Variants in UNC13B observed in about 807,000 individuals in gnomAD.
The protein encoded by UNC13B is unc-13 homolog B.
Under a neutral mutation model 211.0 loss-of-function variants are expected in UNC13B, and 144 were observed. The ratio of observed to expected loss-of-function variants is 0.68; its 90% CI spans 0.60 to 0.78. The LOEUF (loss-of-function observed/expected upper bound fraction) is 0.78, where lower values mean the gene tolerates loss of function less well. UNC13B is among the 30% of genes least tolerant of loss of function. The probability of loss-of-function intolerance (pLI) is 0.00; values close to 1 mark genes in which losing one functional copy is unlikely to be tolerated. For missense variants in UNC13B, 1,777 were observed against 2,002.0 expected, an observed-to-expected ratio of 0.89 and a Z score of 2.14; for synonymous variants, 709 against 725.8, an observed-to-expected ratio of 0.98 and a Z score of 0.37.
chr9:35,174,262 A>T (rs1821492358), intron 1 of UNC13B, among the ~76,000 whole-genome samples: 1 of 150,674 alleles, frequency 6.6e-6, no homozygotes, highest in Admixed American at 6.6e-5. Context: ...GGCTCAGGTG[A>T]TTCTCCTACC....
intron 11 of UNC13B, among the ~76,000 whole-genome samples, chr9:35,349,748 T>A (rs957711648): frequency 6.6e-6 from 1 of 152,242 alleles, no homozygotes; most frequent in Non-Finnish European, 1.5e-5. Flanking sequence ...AAGAATCAGC[T>A]TCATCTTTAT....
chr9:35,364,577 A>G (rs1003983336), intron 11 of UNC13B: 47 of 1,535,760 alleles, frequency 3.1e-5, no homozygotes, highest in South Asian at 6.0e-5. Flanking sequence ...GGTTGTGCCT[A>G]TGACCCTTTG....
intron 11 of UNC13B, 137 bp downstream of exon 11, chr9:35,314,126 C>T: frequency 1.4e-6 from 1 of 732,756 alleles, no homozygotes; most frequent in Admixed American, 2.1e-5. Flanking sequence ...TAAGCCAGAG[C>T]TTTAAGGGAT....
chr9:35,167,719 C>A (rs1014072671), intron 1 of UNC13B, among the ~76,000 whole-genome samples: 22 of 147,954 alleles, frequency 1.5e-4, no homozygotes, highest in Admixed American at 1.3e-3. Context: ...TCTTGAGTAG[C>A]TGGGATTACA....
chr9:35,365,752 T>A (rs541428522), intron 11 of UNC13B, among the ~76,000 whole-genome samples: 1 of 152,252 alleles, frequency 6.6e-6, no homozygotes, highest in African/African-American at 2.4e-5. Context: ...GGCCCTCCCA[T>A]TACCAATATC....
At chr9:35,169,137 A>G (rs776796446) in intron 1 of UNC13B, among the ~76,000 whole-genome samples, 1 of 152,194 alleles carries the variant, frequency 6.6e-6, no homozygotes, top group Non-Finnish European at 1.5e-5. Flanking sequence ...AATCACTTGC[A>G]TCCAGGAGTT....
At chr9:35,174,258 G>A (rs553864028) in intron 1 of UNC13B, among the ~76,000 whole-genome samples, 6 of 151,584 alleles carry the variant, frequency 4.0e-5, no homozygotes, top group African/African-American at 1.5e-4. Flanking sequence ...CCAGGGCTCA[G>A]GTGATTCTCC....
In UNC13B at chr9:35,305,621, G is replaced by A. The variant is rs1034797047; in HGVS notation, c.6217G>A (p.Glu2073Lys). The A allele has an allele frequency of 2.5e-6, 1 of 398,840 alleles. No homozygotes were observed. Among genetic ancestry groups the A allele is most frequent in the African/African-American group, 2.1e-5 (1 of 48,620 alleles). The allele number at this position is 398,840 out of a possible 1,614,324, so 24.7% of individuals were successfully genotyped here. ...GIQGNDLTEK[E>K]VPFRDHLIQQ... is the part of the protein sequence containing the mutation. ...CCAGGGTAATGATTTGACTGAAAAA[G>A]AGGTACCATTCAGAGACCATCTAAT... Residue 2073 changes from glutamate (E) to lysine (K), a missense_variant, in exon 9 of 40, where the codon GAG (glutamate) becomes AAG (lysine). Glu to Lys is a moderately conservative substitution (Grantham distance 56, BLOSUM62 1). Coordinates refer to ENST00000635942, the MANE Select transcript of UNC13B (RefSeq NM_001371189.2).
chr9:35,267,981 A>G (rs1827667553), intron 7 of UNC13B, among the ~76,000 whole-genome samples: 1 of 152,174 alleles, frequency 6.6e-6, no homozygotes, highest in South Asian at 2.1e-4. Flanking sequence ...GATATAGGCA[A>G]GCAGTTCCAT....
chr9:35,249,965 A>G (rs1030587675), intron 6 of UNC13B, among the ~76,000 whole-genome samples: 2 of 152,150 alleles, frequency 1.3e-5, no homozygotes, highest in African/African-American at 4.8e-5. Context: ...TTATTGAAAT[A>G]TAATTTTTAT....
At chr9:35,168,431 A>G (rs917925172) in intron 1 of UNC13B, among the ~76,000 whole-genome samples, 3 of 152,086 alleles carry the variant, frequency 2.0e-5, no homozygotes, top group African/African-American at 4.8e-5. Flanking sequence ...ATATGTTTGG[A>G]GATCTCCAAT....
At chr9:35,256,732 A>G (rs1295421438) in intron 6 of UNC13B, among the ~76,000 whole-genome samples, 2 of 152,222 alleles carry the variant, frequency 1.3e-5, no homozygotes, top group Non-Finnish European at 2.9e-5. Flanking sequence ...GCACACATAT[A>G]CATACATATT....
At chr9:35,208,667 A>T (rs181606826) in intron 1 of UNC13B, among the ~76,000 whole-genome samples, 1 of 152,094 alleles carries the variant, frequency 6.6e-6, no homozygotes, top group African/African-American at 2.4e-5. Flanking sequence ...ATAACTCCTC[A>T]TTCACTTGCC....
chr9:35,167,107 G>A (rs538468172), intron 1 of UNC13B, among the ~76,000 whole-genome samples: 8 of 152,070 alleles, frequency 5.3e-5, no homozygotes, highest in African/African-American at 1.2e-4. Flanking sequence ...AGACAGTCTC[G>A]CTGTGTCGCC....
intron 1 of UNC13B, among the ~76,000 whole-genome samples, chr9:35,212,757 C>T (rs1339949762): frequency 6.6e-6 from 1 of 152,104 alleles, no homozygotes; most frequent in Non-Finnish European, 1.5e-5. Flanking sequence ...CTCCCTTGGG[C>T]TAAAATGGAA....
rs1835888387 is a variant in UNC13B, at chr9:35,396,547, A to C, written c.11380A>C (p.Asn3794His). Residue 3794 changes from asparagine to histidine, a missense_variant, in exon 27 of 40, where the codon AAT (asparagine) becomes CAT (histidine). Coordinates refer to ENST00000635942, the MANE Select transcript of UNC13B (RefSeq NM_001371189.2). The stretch of plus-strand genomic sequence containing the variant: ...GCACTTCAAGGTGAAGTGGCTCCAC[A>C]ATGAATACGTGCGGGATCTGCCTGT... The part of the protein sequence containing the change: ...NLHFKVKWLH[N>H]EYVRDLPVLQ... 1.2e-6 allele frequency: 2 copies of C among 1,613,974 alleles called. No homozygotes were observed. The highest frequency in any genetic ancestry group is 2.2e-5 in the East Asian group (1 of 44,894).
chr9:35,238,611 A>G (rs1037291144), intron 5 of UNC13B, among the ~76,000 whole-genome samples: 14 of 149,982 alleles, frequency 9.3e-5, no homozygotes, highest in African/African-American at 3.4e-4. Context: ...GCTTTAGGGC[A>G]GTGGCATGAT....
intron 6 of UNC13B, among the ~76,000 whole-genome samples, chr9:35,255,693 G>T (rs931129748): frequency 6.6e-6 from 1 of 152,046 alleles, no homozygotes; most frequent in African/African-American, 2.4e-5. Flanking sequence ...GATTGATCTA[G>T]TGCAGGGTCT....
In UNC13B at chr9:35,306,781, A is replaced by G; in HGVS notation, c.7377A>G (p.Ser2459=). 1 of 399,096 alleles carries G rather than the reference A, an allele frequency of 2.5e-6. No homozygotes were observed. Among genetic ancestry groups the G allele is most frequent in the Non-Finnish European group, 4.4e-6 (1 of 226,076 alleles). 24.7% of individuals were successfully genotyped at this position (399,096 alleles called of 1,614,324 possible). ...TAGGCTCTTCAGTAGACATGCTTTCAGGGTTTGTGACCAAAGTGAAATCTT... is the reference window on the plus strand; with the variant it reads ...TAGGCTCTTCAGTAGACATGCTTTCGGGGTTTGTGACCAAAGTGAAATCTT... The part of the protein sequence containing the change: ...FALGSSVDML[S]GFVTKVKSFS... The change falls in exon 9 of 40, where the codon TCA becomes TCG. Residue 2459 remains serine (S), a synonymous_variant. Transcript: ENST00000635942.
Sources: allele counts gnomAD v4.1 joint callset (sites outside exome capture counted in the v4.1 genomes callset), GRCh38; gene constraint gnomAD v4.1.1; transcripts MANE v1.5; gene names NCBI Gene and HGNC (gene_info 2026-07-23, HGNC 2026-07-21).